BLK: variants seen among roughly 807,000 people sequenced by gnomAD.
BLK encodes BLK proto-oncogene, Src family tyrosine kinase.
A neutral mutation model predicts 61.8 loss-of-function variants in BLK; 64 were observed. The observed-to-expected ratio is 1.03, with a 90% confidence interval of 0.85 to 1.27. BLK has a LOEUF of 1.27. BLK is among the 50% of genes most tolerant of loss of function. The pLI, the probability that BLK is intolerant of heterozygous loss-of-function variation, is 0.00. For missense variants in BLK, 853 were observed against 660.5 expected, an observed-to-expected ratio of 1.29 and a Z score of -3.19; for synonymous variants, 351 against 272.0, an observed-to-expected ratio of 1.29 and a Z score of -2.86.
chr8:11,551,093 C>G (rs1328020063), intron 6 of BLK, among the ~76,000 whole-genome samples: 1 of 152,132 alleles, frequency 6.6e-6, no homozygotes, highest in Non-Finnish European at 1.5e-5. Flanking sequence ...GTTTCGCCAC[C>G]ATGTCTTGTC....
At chr8:11,516,090 A>C (rs939046785) in intron 1 of BLK, among the ~76,000 whole-genome samples, 5 of 152,222 alleles carry the variant, frequency 3.3e-5, no homozygotes, top group African/African-American at 1.2e-4. Flanking sequence ...CTTTGAAAGG[A>C]AGGAAATTCC....
At chr8:11,525,493 T>C (rs1052598358) in intron 1 of BLK, among the ~76,000 whole-genome samples, 1 of 142 alleles carries the variant, frequency 7.0e-3, no homozygotes, top group Non-Finnish European at 0.015. Context: ...AATTTACTCT[T>C]TTCATGTAAC....
At chr8:11,554,612 T>C (rs1187532340) in intron 6 of BLK, 131 bp from the exon 7 acceptor site, 1 of 1,105,888 alleles carries the variant, frequency 9.0e-7, no homozygotes, top group African/African-American at 1.5e-5. Context: ...AGGAAACTTG[T>C]GGAGGGAGTG....
Position 11,521,702 on chromosome 8 carries a change from C to T in BLK, c.-1-21522C>T, listed in dbSNP as rs142254274. On this transcript the variant is annotated intron_variant, in intron 1 of 12. Coordinates refer to ENST00000259089, the MANE Select transcript of BLK (RefSeq NM_001715.3). ...TCTCAGCCTCATTTATCGAGTAGCT[C>T]ATACCGCCCTGGAGACGCACAGTGC... is the stretch of plus-strand genomic sequence containing the variant. Among the ~76,000 whole-genome samples, 610 of 152,322 alleles carry T rather than the reference C, an allele frequency of 4.0e-3. 3 individuals are homozygous for T. The highest frequency in any genetic ancestry group is 0.014 in the African/African-American group (580 of 41,572).
chr8:11,564,423 C>T lies in BLK; in HGVS notation c.*315C>T, dbSNP rs1319378060. ...TAAGCGACTGTCATCAAGTAAGGCC[C>T]CCGTGCTGGGCACCCCCCGTGCTGG... On this transcript the variant is annotated 3_prime_UTR_variant, in exon 13 of 13. Coordinates refer to ENST00000259089, the MANE Select transcript of BLK (RefSeq NM_001715.3). 1 of 598,518 alleles carries T rather than the reference C, an allele frequency of 1.7e-6. No individual in the cohort carries two copies. The highest frequency in any genetic ancestry group is 3.1e-6 in the Non-Finnish European group (1 of 317,796). 37.1% of individuals were successfully genotyped at this position (598,518 alleles called of 1,614,324 possible). A position where few individuals can be genotyped will look rare whatever the true frequency, so the allele number is the denominator to read the frequency against.
At chr8:11,532,091 T>C (rs1209700878) in intron 1 of BLK, among the ~76,000 whole-genome samples, 1 of 152,110 alleles carries the variant, frequency 6.6e-6, no homozygotes, top group Non-Finnish European at 1.5e-5. Context: ...ACCCCTGACC[T>C]CAAGTAATTC....
intron 1 of BLK, among the ~76,000 whole-genome samples, chr8:11,504,165 T>C (rs1275035299): frequency 2.0e-5 from 3 of 151,978 alleles, no homozygotes; most frequent in Non-Finnish European, 4.4e-5. Flanking sequence ...CTACTCAAAA[T>C]GCAAAAATTA....
chr8:11,512,543 T>A (rs750040024), intron 1 of BLK, among the ~76,000 whole-genome samples: 1 of 152,242 alleles, frequency 6.6e-6, no homozygotes, highest in African/African-American at 2.4e-5. Flanking sequence ...TATTATCAAT[T>A]TGATCCTTTA....
intron 1 of BLK, among the ~76,000 whole-genome samples, chr8:11,523,274 T>C (rs1036014437): frequency 6.6e-6 from 1 of 152,098 alleles, no homozygotes; most frequent in African/African-American, 2.4e-5. Context: ...CAAAGTTCAG[T>C]TGGGCATGGT....
At chr8:11,558,314 C>T (rs1449725721) in intron 10 of BLK, among the ~76,000 whole-genome samples, 2 of 152,158 alleles carry the variant, frequency 1.3e-5, no homozygotes, top group Non-Finnish European at 2.9e-5. Context: ...TATTCTGTTC[C>T]GAAGGAAGAG....
At chr8:11,540,689 CA>C (rs1800333240) in intron 1 of BLK, among the ~76,000 whole-genome samples, 1 of 151,642 alleles carries the variant, frequency 6.6e-6, no homozygotes, top group African/African-American at 2.4e-5. Flanking sequence ...CAAAATGGCA[CA>C]AAGAGGAGAA....
At chr8:11,511,397 A>G (rs1347130167) in intron 1 of BLK, among the ~76,000 whole-genome samples, 1 of 152,050 alleles carries the variant, frequency 6.6e-6, no homozygotes. Context: ...TACATATGTA[A>G]CAAACCTGTA....
At chr8:11,557,866 C>G in intron 9 of BLK, 96 bp from the exon 10 acceptor site, 2 of 1,078,248 alleles carry the variant, frequency 1.9e-6, no homozygotes, top group Non-Finnish European at 2.9e-6. Flanking sequence ...CTCCCACTTC[C>G]CGCGCCCATG....
rs1801642202 is a variant in BLK at position 11,564,489 on chromosome 8, C to T, written c.*381C>T. On this transcript the variant is annotated 3_prime_UTR_variant, in exon 13 of 13. Coordinates refer to ENST00000259089, the MANE Select transcript of BLK (RefSeq NM_001715.3). ...TGCGCCCTGCGTGGACCCCGCCCTG[C>T]CCCGCTACAGAAGCCAGACTGGGTC... 1.9e-6 allele frequency: 1 copy of T among 516,168 alleles called. No individual in the cohort carries two copies. 32.0% of individuals were successfully genotyped at this position (516,168 alleles called of 1,614,324 possible).
intron 5 of BLK, among the ~76,000 whole-genome samples, chr8:11,549,327 C>G (rs1371857377): frequency 1.3e-5 from 2 of 152,148 alleles, no homozygotes; most frequent in Non-Finnish European, 2.9e-5. Context: ...ACTGAGCAAG[C>G]CGCTCTTCCC....
intron 1 of BLK, among the ~76,000 whole-genome samples, chr8:11,534,340 C>G (rs572009480): frequency 2.6e-5 from 4 of 152,172 alleles, no homozygotes; most frequent in African/African-American, 9.7e-5. Context: ...TGGCATATTG[C>G]TAACATATTT....
intron 1 of BLK, among the ~76,000 whole-genome samples, chr8:11,511,296 G>T (rs770196746): frequency 1.3e-5 from 2 of 152,172 alleles, no homozygotes; most frequent in Non-Finnish European, 2.9e-5. Context: ...CCTGTTGTGG[G>T]GTGGGGAGAG....
In BLK at chr8:11,562,993, A is replaced by G; in HGVS notation, c.1195A>G (p.Ile399Val). The change falls in exon 12 of 13, where the codon ATC becomes GTC. Residue 399 changes from isoleucine to valine, a missense_variant. Physicochemically the swap from Ile to Val is conservative, Grantham distance 29. Transcript: ENST00000259089. ...TTTTCCCACAGGGGCCAAGTTCCCC[A>G]TCAAGTGGACAGCCCCGGAAGCCAT... ...YTAQEGAKFP[I>V]KWTAPEAIHF... 1 of 1,614,142 alleles carries G rather than the reference A, an allele frequency of 6.2e-7. No homozygotes were observed. Among genetic ancestry groups the G allele is most frequent in the Non-Finnish European group, 8.5e-7 (1 of 1,180,030 alleles).
At chr8:11,555,898 C>G (rs909926364) in intron 8 of BLK, 1 of 333,796 alleles carries the variant, frequency 3.0e-6, no homozygotes, top group Non-Finnish European at 5.9e-6. Flanking sequence ...GGGACTTTGG[C>G]CAAGTCACTG....
Sources: allele counts gnomAD v4.1 joint callset (sites outside exome capture counted in the v4.1 genomes callset), GRCh38; gene constraint gnomAD v4.1.1; transcripts MANE v1.5; gene names NCBI Gene and HGNC (gene_info 2026-07-23, HGNC 2026-07-21).